The following NEK5 variants were observed in gnomAD, a reference collection of about 807,000 sequenced individuals.
NEK5 encodes the protein serine/threonine-protein kinase Nek5.
Under a neutral mutation model 109.2 loss-of-function variants are expected in NEK5, and 88 were observed. That is an observed-to-expected ratio of 0.81 (90% CI 0.68 to 0.96). The LOEUF is 0.96. NEK5 is among the 40% of genes least tolerant of loss of function. NEK5 has a pLI of 0.00. For missense variants in NEK5, 834 were observed against 920.7 expected, an observed-to-expected ratio of 0.91 and a Z score of 1.22; for synonymous variants, 283 against 299.9, an observed-to-expected ratio of 0.94 and a Z score of 0.58.
intron 19 of NEK5, 81 bp downstream of exon 19, chr13:52,075,677 G>A: frequency 1.1e-6 from 1 of 883,824 alleles, no homozygotes; most frequent in Non-Finnish European, 1.8e-6. Flanking sequence ...TACAGCCTGT[G>A]AAATAATTTC....
At chr13:52,051,887 C>A (rs942036837) in intron 22 of NEK5, among the ~76,000 whole-genome samples, 6 of 152,130 alleles carry the variant, frequency 3.9e-5, no homozygotes, top group African/African-American at 1.4e-4. Context: ...GTAAACTGAT[C>A]GCTGATCTTC....
intron 13 of NEK5, among the ~76,000 whole-genome samples, chr13:52,091,772 T>A (rs922180712): frequency 3.3e-5 from 5 of 152,192 alleles, no homozygotes; most frequent in Non-Finnish European, 7.3e-5. Flanking sequence ...GTGAAAAAAA[T>A]TTGAAAATAT....
At position 52,075,764 on chromosome 13, in the gene NEK5, C is replaced by T. The variant is rs1448578995; in HGVS notation, c.1716G>A (p.Glu572=). 2 of 1,567,222 alleles carry T rather than the reference C, an allele frequency of 1.3e-6. No individual in the cohort carries two copies. Among genetic ancestry groups the T allele is most frequent in the East Asian group, 2.3e-5 (1 of 44,002 alleles). Residue 572 remains glutamate (E), a synonymous_variant, in exon 19 of 24, where the codon GAG becomes GAA. Coordinates refer to ENST00000684899, the MANE Select transcript of NEK5 (RefSeq NM_001365552.1). ...KCISDENILQ[E]EEAMDIPNET... ...TTTAGACTTAATGGCATACCTCTTC[C>T]TCTTGGAGGATGTTTTCATCAGAAA...
chr13:52,080,071 C>G (rs1361651537), intron 17 of NEK5, among the ~76,000 whole-genome samples: 2 of 151,742 alleles, frequency 1.3e-5, no homozygotes, highest in Non-Finnish European at 2.9e-5. Flanking sequence ...CGGCAGCCGC[C>G]CGGTCTGAGA....
intron 3 of NEK5, among the ~76,000 whole-genome samples, chr13:52,123,456 A>G (rs1429811392): frequency 2.0e-5 from 3 of 152,176 alleles, no homozygotes; most frequent in African/African-American, 7.2e-5. Flanking sequence ...ATAGAGATTC[A>G]CCTCTCAAAT....
intron 22 of NEK5, among the ~76,000 whole-genome samples, chr13:52,058,852 A>T (rs1420478597): frequency 1.3e-5 from 2 of 152,190 alleles, no homozygotes; most frequent in Non-Finnish European, 2.9e-5. Flanking sequence ...TAAAAACCAT[A>T]GAAGAAAACC....
At chr13:52,105,028 T>C (rs1225613644) in intron 8 of NEK5, among the ~76,000 whole-genome samples, 1 of 152,252 alleles carries the variant, frequency 6.6e-6, no homozygotes, top group Non-Finnish European at 1.5e-5. Context: ...ACTTAAAATA[T>C]ATATCATGAG....
intron 23 of NEK5, among the ~76,000 whole-genome samples, chr13:52,040,328 G>T (rs1225767333): frequency 1.3e-5 from 2 of 151,766 alleles, no homozygotes; most frequent in African/African-American, 2.4e-5. Flanking sequence ...CAGATGATCC[G>T]CCCACCTCAG....
chr13:52,051,289 T>C (rs1215884791), intron 22 of NEK5, among the ~76,000 whole-genome samples: 1 of 152,094 alleles, frequency 6.6e-6, no homozygotes, highest in Non-Finnish European at 1.5e-5. Context: ...CCAAATTGGC[T>C]CCTATATGAC....
intron 23 of NEK5, among the ~76,000 whole-genome samples, chr13:52,038,470 A>G (rs367572190): frequency 1.6e-4 from 25 of 152,320 alleles, no homozygotes; most frequent in African/African-American, 6.0e-4. Context: ...ATTTCAAGGT[A>G]ATAGATGACT....
chr13:52,072,802 C>T (rs924149098), intron 19 of NEK5, among the ~76,000 whole-genome samples: 13 of 152,160 alleles, frequency 8.5e-5, no homozygotes, highest in African/African-American at 3.1e-4. Context: ...TAAATAAAAA[C>T]TGAGCATCAG....
At chr13:52,066,290 A>C (rs969530977) in intron 20 of NEK5, among the ~76,000 whole-genome samples, 2 of 152,184 alleles carry the variant, frequency 1.3e-5, no homozygotes, top group South Asian at 2.1e-4. Context: ...GTGATTTTTC[A>C]CTATTAAAAA....
chr13:52,084,525 C>T (rs1420495790), intron 16 of NEK5, among the ~76,000 whole-genome samples: 1 of 151,818 alleles, frequency 6.6e-6, no homozygotes, highest in Non-Finnish European at 1.5e-5. Flanking sequence ...GTTTTAGAGT[C>T]AGATTTTCAT....
chr13:52,070,094 G>A (rs1051637488), intron 20 of NEK5, among the ~76,000 whole-genome samples: 1 of 152,194 alleles, frequency 6.6e-6, no homozygotes, highest in South Asian at 2.1e-4. Flanking sequence ...AAATGAGGCA[G>A]AGAGTATTCC....
intron 13 of NEK5, among the ~76,000 whole-genome samples, chr13:52,092,426 A>G (rs1955305560): frequency 6.6e-6 from 1 of 150,858 alleles, no homozygotes; most frequent in Non-Finnish European, 1.5e-5. Context: ...CTTTCTAACA[A>G]AAAAAAAAGA....
chr13:52,040,142 T>C (rs1451172808), intron 23 of NEK5, among the ~76,000 whole-genome samples: 1 of 149,306 alleles, frequency 6.7e-6, no homozygotes, highest in Admixed American at 6.8e-5. Flanking sequence ...TTGAGTGCAA[T>C]GGCTCAACCT....
At chr13:52,112,245 A>G (rs1449848027) in intron 5 of NEK5, 23 bp downstream of exon 5, 1 of 1,413,164 alleles carries the variant, frequency 7.1e-7, no homozygotes, top group East Asian at 2.3e-5. Flanking sequence ...CATAAAATTA[A>G]AAAGCAAATT....
intron 4 of NEK5, 122 bp downstream of exon 4, chr13:52,119,197 A>C (rs112528588): frequency 1.8e-5 from 8 of 447,440 alleles, no homozygotes; most frequent in African/African-American, 9.9e-5. Flanking sequence ...AATTTAAGTA[A>C]ATGGGGAAAT....
chr13:52,053,406 C>T (rs1350185163), intron 22 of NEK5, among the ~76,000 whole-genome samples: 1 of 152,174 alleles, frequency 6.6e-6, no homozygotes, highest in African/African-American at 2.4e-5. Flanking sequence ...TTATATGTAT[C>T]ATGTGTATGT....
Sources: gnomAD v4.1 joint callset for allele counts (sites outside exome capture counted in the v4.1 genomes callset) on GRCh38, gnomAD v4.1.1 for gene constraint, MANE v1.5 for transcripts, NCBI Gene and HGNC (gene_info 2026-07-23, HGNC 2026-07-21) for gene names.